The following CLCA2 variants were observed in gnomAD, a reference collection of about 807,000 sequenced individuals.
CLCA2 encodes calcium-activated chloride channel regulator 2.
A neutral mutation model predicts 82.9 loss-of-function variants in CLCA2; 85 were observed. The observed-to-expected ratio is 1.03, with a 90% CI of 0.86 to 1.23. CLCA2 has a LOEUF of 1.23. Ranked by LOEUF, CLCA2 falls within the 50% of genes most tolerant of loss-of-function variation. The probability of loss-of-function intolerance (pLI) is 0.00; values close to 1 mark genes in which losing one functional copy is unlikely to be tolerated. For synonymous variants in CLCA2, 421 were observed against 391.7 expected, an observed-to-expected ratio of 1.07 and a Z score of -0.88; for missense variants, 1,089 against 1,124.8, an observed-to-expected ratio of 0.97 and a Z score of 0.45.
chr1:86,427,553 C>A (rs1489172623), intron 2 of CLCA2, among the ~76,000 whole-genome samples: 2 of 151,342 alleles, frequency 1.3e-5, no homozygotes, highest in Non-Finnish European at 3.0e-5. Flanking sequence ...TACATACACA[C>A]ACACACACAC....
chr1:86,429,272 G>A (rs1051399650), intron 3 of CLCA2, among the ~76,000 whole-genome samples: 7 of 152,172 alleles, frequency 4.6e-5, no homozygotes, highest in Non-Finnish European at 7.4e-5. Context: ...TGCGCTAGCC[G>A]CTCTGTGGTT....
At chr1:86,431,489 T>C (rs918189556) in intron 4 of CLCA2, among the ~76,000 whole-genome samples, 1 of 152,208 alleles carries the variant, frequency 6.6e-6, no homozygotes, top group Non-Finnish European at 1.5e-5. Context: ...TCATTTCTCA[T>C]ACGTGCAGAC....
intron 13 of CLCA2, among the ~76,000 whole-genome samples, chr1:86,454,108 C>T (rs951775756): frequency 6.6e-6 from 1 of 152,166 alleles, no homozygotes; most frequent in East Asian, 1.9e-4. Flanking sequence ...TAAACATTGA[C>T]GGAGTACTTT....
At chr1:86,429,445 A>G (rs1353054491) in intron 3 of CLCA2, among the ~76,000 whole-genome samples, 1 of 152,226 alleles carries the variant, frequency 6.6e-6, no homozygotes, top group Non-Finnish European at 1.5e-5. Flanking sequence ...TTTGTCAGAC[A>G]TGGAAAAAAC....
intron 2 of CLCA2, among the ~76,000 whole-genome samples, chr1:86,425,917 T>C (rs1167878454): frequency 1.3e-5 from 2 of 152,176 alleles, no homozygotes; most frequent in East Asian, 1.9e-4. Context: ...TCTTATGCCA[T>C]GGTGTAGATT....
Position 86,424,256 on chromosome 1 carries a change from A to C in CLCA2, c.9A>C (p.Gln3His). Residue 3 changes from glutamine (Q) to histidine (H), a missense_variant, in exon 1 of 14, where the codon CAA becomes CAC. Transcript: ENST00000370565. Reference protein sequence around the residue: MTQRSIAGPICNL... With the variant: MTHRSIAGPICNL... ...GGAGGCTTCTCTACAACATGACCCA[A>C]AGGAGCATTGCAGGTCCTATTTGCA... 6.2e-7 allele frequency: 1 copy of C among 1,612,424 alleles called. No homozygotes were observed. Among genetic ancestry groups the C allele is most frequent in the East Asian group, 2.2e-5 (1 of 44,860 alleles).
At chr1:86,448,548 T>C (rs1230306185) in intron 11 of CLCA2, 4 of 152,246 alleles carry the variant, frequency 2.6e-5, no homozygotes, top group Admixed American at 2.6e-4. Context: ...TTTTCCTAAA[T>C]TACATTCTTA....
At chr1:86,451,334 C>T (rs969790) in intron 12 of CLCA2, among the ~76,000 whole-genome samples, 7,934 of 152,260 alleles carry the variant, frequency 0.052, 222 homozygotes, top group Middle Eastern at 0.11. Context: ...TATCATGCTA[C>T]AGTCTTTGAA....
Position 86,431,157 on chromosome 1 carries a change from T to A in CLCA2, c.584+187T>A, listed in dbSNP as rs1662491326. 1.3e-5 allele frequency among the ~76,000 whole-genome samples: 2 copies of A among 152,230 alleles called. 1 individual carries two copies. Among genetic ancestry groups the A allele is most frequent in the South Asian group, 4.1e-4 (2 of 4,830 alleles). ...TATGACATTTTTCTTTAAATTGGTA[T>A]TTATGTGGTTCAAATATCAAAACAA... On this transcript the variant is annotated intron_variant, in intron 4 of 13. Transcript: ENST00000370565.
intron 6 of CLCA2, among the ~76,000 whole-genome samples, chr1:86,435,787 G>A (rs908595718): frequency 5.9e-5 from 9 of 151,876 alleles, no homozygotes; most frequent in African/African-American, 1.9e-4. Context: ...ATATGTAAAC[G>A]AATATATGAA....
In CLCA2 at chr1:86,448,002, C is replaced by T. The variant is rs1226298974; in HGVS notation, c.1984+224C>T. On this transcript the variant is annotated intron_variant, in intron 11 of 13. Coordinates refer to ENST00000370565, the MANE Select transcript of CLCA2 (RefSeq NM_006536.7). The stretch of plus-strand genomic sequence containing the variant: ...ACTCCTCATAGTGTCTATGTTTGAG[C>T]AAAGGGTGGGAGGCAGCCGCTGGAC... The T allele has an allele frequency of 8.8e-6, 5 of 566,232 alleles. No homozygotes were observed. The South Asian group carries it at 9.0e-5, about 10-fold the overall frequency. 35.1% of individuals were successfully genotyped at this position (566,232 alleles called of 1,614,324 possible).
chr1:86,445,841 C>G (rs1333244038), intron 10 of CLCA2, among the ~76,000 whole-genome samples: 3 of 152,108 alleles, frequency 2.0e-5, no homozygotes, highest in African/African-American at 7.2e-5. Context: ...TAATAGCATG[C>G]AATCTATGAA....
chr1:86,428,657 C>A, intron 3 of CLCA2, 89 bp downstream of exon 3: 1 of 1,458,832 alleles, frequency 6.9e-7, no homozygotes, highest in Non-Finnish European at 9.3e-7. Flanking sequence ...CTCACAAAAC[C>A]TGAAACTTGT....
At position 86,434,634 on chromosome 1, in the gene CLCA2, C is replaced by T; in HGVS notation, c.861C>T (p.His287=). The stretch of plus-strand genomic sequence containing the variant: ...TCACAGACTCTGCTGACTTTCACCA[C>T]AGCTTTCCCATGAATGGGACTGAGC... ...DVITDSADFH[H]SFPMNGTELP... is the part of the protein sequence containing the mutation. Residue 287 remains histidine (H), a synonymous_variant, in exon 6 of 14, where the codon CAC becomes CAT. Transcript: ENST00000370565. 6.2e-7 allele frequency: 1 copy of T among 1,614,090 alleles called. No individual in the cohort carries two copies. The highest frequency in any genetic ancestry group is 8.5e-7 in the Non-Finnish European group (1 of 1,179,968).
intron 9 of CLCA2, among the ~76,000 whole-genome samples, chr1:86,442,572 G>A (rs1479302998): frequency 6.6e-6 from 1 of 152,178 alleles, no homozygotes; most frequent in East Asian, 1.9e-4. Flanking sequence ...ATGTGGCCCA[G>A]CCATCAGCAA....
At position 86,431,818 on chromosome 1, in the gene CLCA2, T is replaced by C. The variant is rs190222198; in HGVS notation, c.585-551T>C. On this transcript the variant is annotated intron_variant, in intron 4 of 13. Transcript: ENST00000370565. ...GACCCTATTTAGTTGTTAAAGCCCTTGTTAATACAGAACCCCTCCATCAAG... is the reference window on the plus strand; with the variant it reads ...GACCCTATTTAGTTGTTAAAGCCCTCGTTAATACAGAACCCCTCCATCAAG... Among the ~76,000 whole-genome samples, 16 of 152,346 alleles carry C rather than the reference T, an allele frequency of 1.1e-4. No individual in the cohort carries two copies. The East Asian group carries it at 1.7e-3, about 17-fold the overall frequency.
chr1:86,450,667 A>G lies in CLCA2; in HGVS notation c.2089A>G (p.Ile697Val), dbSNP rs147843048. Residue 697 changes from isoleucine (I) to valine (V), a missense_variant, in exon 12 of 14, where the codon ATA becomes GTA. Ile to Val is a conservative substitution (Grantham distance 29, BLOSUM62 3). Transcript: ENST00000370565. ...LKVHVNHSPS[I>V]STPAHSIPGS... ...AGTGCATGTCAATCACTCTCCCAGC[A>G]TAAGCACCCCAGCCCACTCTATTCC... The G allele has an allele frequency of 4.0e-4, 649 of 1,613,830 alleles. 1 individual carries two copies. The highest frequency in any genetic ancestry group is 1.2e-3 in the Admixed American group (73 of 59,998).
intron 2 of CLCA2, 47 bp downstream of exon 2, chr1:86,425,523 A>G (rs752095761): frequency 2.1e-6 from 3 of 1,412,026 alleles, no homozygotes; most frequent in Non-Finnish European, 2.8e-6. Flanking sequence ...GAAAAAAAAC[A>G]CCAAAATATA....
chr1:86,440,762 A>G (rs1240654294), intron 8 of CLCA2, among the ~76,000 whole-genome samples: 2 of 152,088 alleles, frequency 1.3e-5, no homozygotes, highest in African/African-American at 2.4e-5. Context: ...TTAGCAGAGC[A>G]TGGTGGCGGG....
Sources: gnomAD v4.1 joint callset for allele counts (sites outside exome capture counted in the v4.1 genomes callset) on GRCh38, gnomAD v4.1.1 for gene constraint, MANE v1.5 for transcripts, NCBI Gene and HGNC (gene_info 2026-07-23, HGNC 2026-07-21) for gene names.